The following GPATCH2 variants were observed in gnomAD, a reference collection of about 807,000 sequenced individuals.
GPATCH2 encodes G-patch domain containing 2.
In GPATCH2, 51 loss-of-function variants were observed where a neutral mutation model predicts 58.0. The ratio of observed to expected loss-of-function variants is 0.88; its 90% CI spans 0.70 to 1.11. The LOEUF (loss-of-function observed/expected upper bound fraction) is 1.11, where lower values mean the gene tolerates loss of function less well. Ranked by LOEUF, GPATCH2 falls within the 50% of genes most tolerant of loss-of-function variation. The probability of loss-of-function intolerance (pLI) is 0.00; values close to 1 mark genes in which losing one functional copy is unlikely to be tolerated. For missense variants in GPATCH2, 625 were observed against 652.2 expected (o/e 0.96, Z 0.45); for synonymous variants, 222 against 218.5 (o/e 1.02, Z -0.14).
intron 8 of GPATCH2, among the ~76,000 whole-genome samples, chr1:217,476,283 A>G (rs1351551355): frequency 6.8e-6 from 1 of 146,686 alleles, no homozygotes; most frequent in African/African-American, 2.5e-5. Flanking sequence ...TGTGGGGGAC[A>G]CAGCAAGAAA....
intron 5 of GPATCH2, among the ~76,000 whole-genome samples, chr1:217,567,137 C>A (rs770793577): frequency 2.6e-5 from 4 of 151,366 alleles, no homozygotes; most frequent in Non-Finnish European, 4.4e-5. Context: ...ACCTCCACCT[C>A]CTAGGTTCAA....
At chr1:217,498,160 A>G in intron 7 of GPATCH2, 196 bp downstream of exon 7, 1 of 670,446 alleles carries the variant, frequency 1.5e-6, no homozygotes, top group Non-Finnish European at 2.7e-6. Flanking sequence ...GCAGTAAAGG[A>G]AAGAAAACTC....
intron 5 of GPATCH2, among the ~76,000 whole-genome samples, chr1:217,601,277 CAA>C (rs1668094966): frequency 6.6e-6 from 1 of 151,862 alleles, no homozygotes; most frequent in South Asian, 2.1e-4. Flanking sequence ...AAAAATCATT[CAA>C]AAGTTACAAA....
chr1:217,474,460 A>G (rs1660883129), intron 8 of GPATCH2, among the ~76,000 whole-genome samples: 1 of 152,236 alleles, frequency 6.6e-6, no homozygotes, highest in African/African-American at 2.4e-5. Flanking sequence ...GAAATGGCAT[A>G]AATTGGACAT....
rs144973778 is a variant in GPATCH2 at position 217,541,140 on chromosome 1, G to A, written c.1099-26251C>T. Among the ~76,000 whole-genome samples, 845 of 152,222 alleles carry A rather than the reference G, an allele frequency of 5.6e-3. 13 individuals are homozygous for A. Among genetic ancestry groups the A allele is most frequent in the Middle Eastern group, 0.034 (10 of 294 alleles). ...CGGTAGGCAAGTTTGGTTAAGGTCC[G>A]TGAGCTCCTTTTGACAGAGTACTAC... is the stretch of plus-strand genomic sequence containing the variant. On this transcript the variant is annotated intron_variant, in intron 5 of 9. Transcript: ENST00000366935.
intron 1 of GPATCH2, among the ~76,000 whole-genome samples, chr1:217,622,450 T>A (rs1350253418): frequency 6.6e-6 from 1 of 152,254 alleles, no homozygotes; most frequent in Non-Finnish European, 1.5e-5. Context: ...ACAGCTTTTT[T>A]AAAAATGTGG....
intron 8 of GPATCH2, among the ~76,000 whole-genome samples, chr1:217,474,728 C>T (rs1020632834): frequency 6.6e-6 from 1 of 152,110 alleles, no homozygotes; most frequent in Non-Finnish European, 1.5e-5. Flanking sequence ...ATGCATTTAT[C>T]TTTTTTTACC....
chr1:217,443,872 C>G (rs552385419), intron 9 of GPATCH2, among the ~76,000 whole-genome samples: 1 of 152,272 alleles, frequency 6.6e-6, no homozygotes, highest in South Asian at 2.1e-4. Flanking sequence ...CTACTCGATT[C>G]TTTACCACAT....
chr1:217,494,333 AC>A (rs1035345427), intron 7 of GPATCH2, among the ~76,000 whole-genome samples: 2 of 152,236 alleles, frequency 1.3e-5, no homozygotes, highest in Non-Finnish European at 2.9e-5. Context: ...AGATAAAACT[AC>A]AGAGATCTCT....
At chr1:217,596,093 G>C (rs1667815190) in intron 5 of GPATCH2, among the ~76,000 whole-genome samples, 1 of 152,076 alleles carries the variant, frequency 6.6e-6, no homozygotes, top group African/African-American at 2.4e-5. Context: ...AGTGGTAGAA[G>C]AAAGAATTGA....
At chr1:217,572,510 C>G (rs1666616646) in intron 5 of GPATCH2, among the ~76,000 whole-genome samples, 1 of 152,098 alleles carries the variant, frequency 6.6e-6, no homozygotes, top group South Asian at 2.1e-4. Flanking sequence ...GCTGAACAAC[C>G]ATTAATCATT....
intron 6 of GPATCH2, among the ~76,000 whole-genome samples, chr1:217,503,169 G>A (rs1346119305): frequency 1.3e-5 from 2 of 152,088 alleles, no homozygotes; most frequent in East Asian, 1.9e-4. Flanking sequence ...ATGAAGAAAC[G>A]TTTTAAGAAG....
intron 3 of GPATCH2, among the ~76,000 whole-genome samples, chr1:217,612,721 C>T (rs1668691506): frequency 6.6e-6 from 1 of 152,090 alleles, no homozygotes; most frequent in African/African-American, 2.4e-5. Context: ...TGATGTAATA[C>T]ACAACTTTAT....
intron 5 of GPATCH2, among the ~76,000 whole-genome samples, chr1:217,537,863 A>G (rs1418315950): frequency 6.6e-6 from 1 of 152,188 alleles, no homozygotes; most frequent in Non-Finnish European, 1.5e-5. Context: ...AAAAATTACA[A>G]AACTTATTTA....
Position 217,581,585 on chromosome 1 carries a change from A to T in GPATCH2, c.1098+28736T>A, listed in dbSNP as rs200533117. ...CGTAAGAGAGTATGTCCTTGTGAAT[A>T]GGTGAATGTGCACACATGTGAAAAC... On this transcript the variant is annotated intron_variant, in intron 5 of 9. Coordinates refer to ENST00000366935, the MANE Select transcript of GPATCH2 (RefSeq NM_018040.5). Among the ~76,000 whole-genome samples the T allele has an allele frequency of 5.9e-5, 9 of 152,324 alleles. No homozygotes were observed. The East Asian group carries it at 1.7e-3, about 29-fold the overall frequency.
At chr1:217,501,329 G>A (rs2102553401) in intron 6 of GPATCH2, among the ~76,000 whole-genome samples, 1 of 152,162 alleles carries the variant, frequency 6.6e-6, no homozygotes, top group Non-Finnish European at 1.5e-5. Flanking sequence ...AACATAGTTT[G>A]TTTAACCATT....
At chr1:217,452,742 A>T (rs138897908) in intron 8 of GPATCH2, among the ~76,000 whole-genome samples, 1 of 152,148 alleles carries the variant, frequency 6.6e-6, no homozygotes, top group Non-Finnish European at 1.5e-5. Context: ...TAACATTTTC[A>T]TTCAACTCCC....
intron 8 of GPATCH2, among the ~76,000 whole-genome samples, chr1:217,450,890 T>C (rs1659636068): frequency 1.3e-5 from 2 of 152,172 alleles, no homozygotes; most frequent in Non-Finnish European, 2.9e-5. Flanking sequence ...GAAGACATAC[T>C]CTTTTTGTAC....
At chr1:217,493,167 C>T (rs1312714571) in intron 7 of GPATCH2, among the ~76,000 whole-genome samples, 1 of 152,122 alleles carries the variant, frequency 6.6e-6, no homozygotes, top group East Asian at 1.9e-4. Context: ...TCCCTGCTTC[C>T]AGGCCTGCTT....
Sources: gnomAD v4.1 joint callset for allele counts (sites outside exome capture counted in the v4.1 genomes callset) on GRCh38, gnomAD v4.1.1 for gene constraint, MANE v1.5 for transcripts, NCBI Gene and HGNC (gene_info 2026-07-23, HGNC 2026-07-21) for gene names.